The following ALOX12B variants were observed in gnomAD, a reference collection of about 807,000 sequenced individuals.
The protein encoded by ALOX12B is arachidonate 12-lipoxygenase, 12R type.
Under a neutral mutation model 78.9 loss-of-function variants are expected in ALOX12B, and 47 were observed. The observed-to-expected ratio is 0.60, with a 90% CI of 0.47 to 0.76. ALOX12B has a LOEUF of 0.76. Among genes scored for constraint, ALOX12B ranks in the 30% least tolerant of loss-of-function variants. The pLI, the probability that ALOX12B is intolerant of heterozygous loss-of-function variation, is 0.00. For missense variants in ALOX12B, 805 were observed against 922.6 expected (o/e 0.87, Z 1.65); for synonymous variants, 370 against 374.5 (o/e 0.99, Z 0.14).
chr17:8,087,364 C>T lies in ALOX12B; in HGVS notation c.79G>A (p.Val27Met). The change falls in exon 1 of 15, where the codon GTG becomes ATG. Residue 27 changes from valine to methionine, a missense_variant. Physicochemically the swap from Val to Met is conservative, Grantham distance 21. Coordinates refer to ENST00000647874, the MANE Select transcript of ALOX12B (RefSeq NM_001139.3). ...GTRDSISLTI[V>M]GTQGESHKQL... Reference sequence around the variant, plus strand: ...TTATGGCTCTCTCCTTGTGTCCCCACAATGGTCAGTGAGATGGAGTCCCGT... The same window carrying T: ...TTATGGCTCTCTCCTTGTGTCCCCATAATGGTCAGTGAGATGGAGTCCCGT... 1 of 1,614,210 alleles carries T rather than the reference C, an allele frequency of 6.2e-7. No homozygotes were observed. Among genetic ancestry groups the T allele is most frequent in the Non-Finnish European group, 8.5e-7 (1 of 1,180,024 alleles).
intron 10 of ALOX12B, 30 bp from the exon 11 acceptor site, chr17:8,076,374 G>C (rs758118424): frequency 1.3e-6 from 2 of 1,568,392 alleles, no homozygotes; most frequent in South Asian, 2.3e-5. Flanking sequence ...TCCTGGAGCC[G>C]GACAGGCATC....
rs768231457 is a variant in ALOX12B at position 8,080,218 on chromosome 17, G to A, written c.754+17C>T. On this transcript the variant is annotated intron_variant, in intron 6 of 14. Coordinates refer to ENST00000647874, the MANE Select transcript of ALOX12B (RefSeq NM_001139.3). This position sits in a 1 kb window ranked among gnomAD's most constrained non-coding sequence, Gnocchi z 4.8. Reference sequence around the variant, plus strand: ...GCCTGGCTCCCCCTGCTCGATCCGGGACGCCCCATTCCATACCGGAGACGA... The same window carrying A: ...GCCTGGCTCCCCCTGCTCGATCCGGAACGCCCCATTCCATACCGGAGACGA... 3.1e-6 allele frequency: 5 copies of A among 1,611,832 alleles called. No individual in the cohort carries two copies. Among genetic ancestry groups the A allele is most frequent in the Non-Finnish European group, 4.2e-6 (5 of 1,177,872 alleles).
intron 2 of ALOX12B, 95 bp from the exon 3 acceptor site, chr17:8,081,282 TG>T: frequency 5.3e-6 from 7 of 1,311,770 alleles, no homozygotes; most frequent in African/African-American, 1.5e-5. Flanking sequence ...AGGTCGTCTC[TG>T]GGGGGGCCCA....
rs754757808 is a variant in ALOX12B, at chr17:8,080,860, C to T, written c.527+24G>A. On this transcript the variant is annotated intron_variant, in intron 4 of 14. Coordinates refer to ENST00000647874, the MANE Select transcript of ALOX12B (RefSeq NM_001139.3). The surrounding 1 kb of genome is among the most constrained non-coding windows in gnomAD (Gnocchi z 4.8). ...GCCCAGGGGAAAACCATGGGCGGGG[C>T]CCAGCACAGCTTCGGGTCCTTACTC... The T allele has an allele frequency of 4.3e-6, 7 of 1,613,816 alleles. No homozygotes were observed. Among genetic ancestry groups the T allele is most frequent in the Middle Eastern group, 1.6e-4 (1 of 6,082 alleles).
chr17:8,076,372 C>G, intron 10 of ALOX12B, 28 bp from the exon 11 acceptor site: 1 of 1,570,496 alleles, frequency 6.4e-7, no homozygotes. Flanking sequence ...GATCCTGGAG[C>G]CGGACAGGCA....
chr17:8,077,551 A>AG (rs952413288), intron 8 of ALOX12B, among the ~76,000 whole-genome samples: 2 of 152,230 alleles, frequency 1.3e-5, no homozygotes, highest in African/African-American at 2.4e-5. Context: ...CTAGCCCCTC[A>AG]GGGGGCAGGC....
Position 8,079,651 on chromosome 17 carries a change from G to A in ALOX12B, c.928-112C>T, listed in dbSNP as rs1977164129. Reference sequence around the variant, plus strand: ...TAGGGGCAGGGGTGGGACGGGGACAGGGACGCGGGGTGCGGGCTTGCCTGG... The same window carrying A: ...TAGGGGCAGGGGTGGGACGGGGACAAGGACGCGGGGTGCGGGCTTGCCTGG... On this transcript the variant is annotated intron_variant, in intron 7 of 14. Coordinates refer to ENST00000647874, the MANE Select transcript of ALOX12B (RefSeq NM_001139.3). The surrounding 1 kb of genome is among the most constrained non-coding windows in gnomAD (Gnocchi z 6.4). 151 of 1,533,258 alleles carry A rather than the reference G, an allele frequency of 9.8e-5. No homozygotes were observed. The highest frequency in any genetic ancestry group is 1.3e-4 in the Non-Finnish European group (148 of 1,136,214). The allele number at this position is 1,533,258 out of a possible 1,614,324, so 95.0% of individuals were successfully genotyped here. A position where few individuals can be genotyped will look rare whatever the true frequency, so the allele number is the denominator to read the frequency against.
Position 8,080,301 on chromosome 17 carries a change from T to G in ALOX12B, c.688A>C (p.Lys230Gln), listed in dbSNP as rs1233459029. Residue 230 changes from lysine (K) to glutamine (Q), a missense_variant, in exon 6 of 15, where the codon AAA (lysine) becomes CAA (glutamine). Lys to Gln is a moderately conservative substitution (Grantham distance 53). Transcript: ENST00000647874. The surrounding 1 kb of genome is among the most constrained non-coding windows in gnomAD (Gnocchi z 4.8). ...AFKVRGLLDC[K>Q]HSWKRLKDIR... ...TCCTTCAGCCTCTTCCACGAATGTT[T>G]GCAGTCCAACAGGCCGCGGACTTTG... The G allele has an allele frequency of 1.2e-6, 2 of 1,614,250 alleles. No individual in the cohort carries two copies. Among genetic ancestry groups the G allele is most frequent in the South Asian group, 2.2e-5 (2 of 91,090 alleles).
At chr17:8,084,014 C>G (rs143096923) in intron 2 of ALOX12B, among the ~76,000 whole-genome samples, 1 of 151,758 alleles carries the variant, frequency 6.6e-6, no homozygotes, top group Non-Finnish European at 1.5e-5. Context: ...AAAAATTAGC[C>G]GGGCGTGGTG....
chr17:8,081,412 C>A, intron 2 of ALOX12B: 5 of 614,280 alleles, frequency 8.1e-6, no homozygotes, highest in Non-Finnish European at 1.5e-5. Context: ...AAGCTAAGCT[C>A]TGCTGCTGCA....
In ALOX12B at chr17:8,086,117, C is replaced by G. The variant is rs1463157368; in HGVS notation, c.251G>C (p.Cys84Ser). 6.2e-7 allele frequency: 1 copy of G among 1,614,140 alleles called. No individual in the cohort carries two copies. Among genetic ancestry groups the G allele is most frequent in the East Asian group, 2.2e-5 (1 of 44,876 alleles). ...YAFFPKDPWYCNYVQICAPNG... is the reference protein window; with the variant it reads ...YAFFPKDPWYSNYVQICAPNG... ...GGGGGCACAGATCTGCACATAGTTG[C>G]AGTACCAAGGGTCCTTGGGGAAGAA... The change falls in exon 2 of 15, where the codon TGC becomes TCC. Residue 84 changes from cysteine to serine, a missense_variant. By Grantham distance (112) the Cys-to-Ser change is moderately radical (BLOSUM62 -1). Coordinates refer to ENST00000647874, the MANE Select transcript of ALOX12B (RefSeq NM_001139.3).
At position 8,080,803 on chromosome 17, in the gene ALOX12B, A is replaced by T. The variant is rs749529952; in HGVS notation, c.528-23T>A. Reference sequence around the variant, plus strand: ...CACCTGTGGGGAGAAGCGCAGGGCAACTGGGATCCAGGGGGCGGGGAGGAG... The same window carrying T: ...CACCTGTGGGGAGAAGCGCAGGGCATCTGGGATCCAGGGGGCGGGGAGGAG... On this transcript the variant is annotated intron_variant, in intron 4 of 14. Coordinates refer to ENST00000647874, the MANE Select transcript of ALOX12B (RefSeq NM_001139.3). This position sits in a 1 kb window ranked among gnomAD's most constrained non-coding sequence, Gnocchi z 4.8. The T allele has an allele frequency of 1.2e-6, 2 of 1,613,986 alleles. No individual in the cohort carries two copies.
At chr17:8,083,369 G>A (rs918767018) in intron 2 of ALOX12B, among the ~76,000 whole-genome samples, 6 of 152,158 alleles carry the variant, frequency 3.9e-5, no homozygotes, top group Admixed American at 6.5e-5. Flanking sequence ...TATGTATTAC[G>A]TGGGGACAAG....
At chr17:8,075,523 C>T in intron 12 of ALOX12B, 72 bp downstream of exon 12, 2 of 1,609,704 alleles carry the variant, frequency 1.2e-6, no homozygotes, top group Non-Finnish European at 1.7e-6. Context: ...CCAGGAGGGC[C>T]CTAGCAGACC....
chr17:8,078,544 G>A (rs1020168945), intron 8 of ALOX12B, among the ~76,000 whole-genome samples: 3 of 151,998 alleles, frequency 2.0e-5, no homozygotes, highest in Non-Finnish European at 2.9e-5. Flanking sequence ...GCTGAGGCGG[G>A]AGAATCGCTT....
chr17:8,080,343 G>T lies in ALOX12B; in HGVS notation c.651-5C>A, dbSNP rs368720320. On this transcript the variant is annotated splice_polypyrimidine_tract_variant and splice_region_variant and intron_variant, in intron 5 of 14. Transcript: ENST00000647874. This position sits in a 1 kb window ranked among gnomAD's most constrained non-coding sequence, Gnocchi z 4.8. Reference sequence around the variant, plus strand: ...CGGACTTTGAAAGCCAGTGCCCTAGGAGATGGGATTCCAGGAAGAGGCCTT... The same window carrying T: ...CGGACTTTGAAAGCCAGTGCCCTAGTAGATGGGATTCCAGGAAGAGGCCTT... 18 of 1,614,016 alleles carry T rather than the reference G, an allele frequency of 1.1e-5. No individual in the cohort carries two copies. The highest frequency in any genetic ancestry group is 1.4e-5 in the Non-Finnish European group (16 of 1,179,986).
At chr17:8,076,560 G>C in intron 10 of ALOX12B, 97 bp downstream of exon 10, 2 of 1,417,270 alleles carry the variant, frequency 1.4e-6, no homozygotes, top group East Asian at 2.5e-5. Flanking sequence ...GCCCCCTCAT[G>C]ATGACCCAAA....
Position 8,087,372 on chromosome 17 carries a change from A to G in ALOX12B, c.71T>C (p.Leu24Pro), listed in dbSNP as rs201575829. ...CTCTCCTTGTGTCCCCACAATGGTCAGTGAGATGGAGTCCCGTGTTCCCGA... is the reference window on the plus strand; with the variant it reads ...CTCTCCTTGTGTCCCCACAATGGTCGGTGAGATGGAGTCCCGTGTTCCCGA... ...LLSGTRDSIS[L>P]TIVGTQGESH... Residue 24 changes from leucine (L) to proline (P), a missense_variant, in exon 1 of 15, where the codon CTG becomes CCG. Physicochemically the swap from Leu to Pro is moderately conservative, Grantham distance 98. Transcript: ENST00000647874. The G allele has an allele frequency of 2.0e-5, 33 of 1,614,078 alleles. No homozygotes were observed. The highest frequency in any genetic ancestry group is 6.7e-5 in the Admixed American group (4 of 60,004).
At chr17:8,081,721 C>A (rs1977221556) in intron 2 of ALOX12B, among the ~76,000 whole-genome samples, 1 of 152,044 alleles carries the variant, frequency 6.6e-6, no homozygotes, top group Non-Finnish European at 1.5e-5. Flanking sequence ...CGGCTCACTG[C>A]AACCTCTGCC....
Sources: allele counts gnomAD v4.1 joint callset (sites outside exome capture counted in the v4.1 genomes callset), GRCh38; gene constraint gnomAD v4.1.1; non-coding constraint Gnocchi (gnomAD v3.1); transcripts MANE v1.5; gene names NCBI Gene and HGNC (gene_info 2026-07-23, HGNC 2026-07-21).